The following NHSL1 variants were observed in gnomAD, a reference collection of about 807,000 sequenced individuals.
The protein encoded by NHSL1 is NHS like 1.
In NHSL1, 48 loss-of-function variants were observed where a neutral mutation model predicts 95.0. The observed-to-expected ratio is 0.51, with a 90% CI of 0.40 to 0.64. The LOEUF (loss-of-function observed/expected upper bound fraction) is 0.64, where lower values mean the gene tolerates loss of function less well. Ranked by LOEUF, NHSL1 falls within the 30% of genes least tolerant of loss-of-function variation. The probability of loss-of-function intolerance (pLI) is 0.00; values close to 1 mark genes in which losing one functional copy is unlikely to be tolerated. For synonymous variants in NHSL1, 783 were observed against 833.9 expected (o/e 0.94, Z 1.05); for missense variants, 1,971 against 2,077.7 (o/e 0.95, Z 1.00).
chr6:138,495,270 G>T (rs146141292), intron 2 of NHSL1, among the ~76,000 whole-genome samples: 7 of 152,164 alleles, frequency 4.6e-5, no homozygotes, highest in African/African-American at 1.7e-4. Flanking sequence ...ACAATGAACT[G>T]AAGTAAAAAT....
intron 3 of NHSL1, among the ~76,000 whole-genome samples, chr6:138,455,732 C>T (rs972156371): frequency 4.7e-4 from 66 of 141,340 alleles, no homozygotes; most frequent in Non-Finnish European, 9.6e-4. Flanking sequence ...TATATCCTAA[C>T]GTGTACCCCG....
intron 1 of NHSL1, among the ~76,000 whole-genome samples, chr6:138,637,936 G>A (rs1784908167): frequency 6.6e-6 from 1 of 152,138 alleles, no homozygotes; most frequent in African/African-American, 2.4e-5. Context: ...ATTTGTTGCA[G>A]CACTGTCCAT....
chr6:138,424,456 G>A lies in NHSL1; in HGVS notation c.4446C>T (p.Asn1482=). The part of the protein sequence containing the change: ...NRRAQEEWAK[N]EGLMPRSLSF... ...ACAGACTCCGAGGCATCAAGCCTTC[G>A]TTCTTGGCCCACTCCTCCTGCGCCC... The change falls in exon 8 of 8, where the codon AAC becomes AAT. Residue 1482 remains asparagine (N), a synonymous_variant. Transcript: ENST00000343505. This position sits in a 1 kb window ranked among gnomAD's most constrained non-coding sequence, Gnocchi z 5.9. 5.2e-6 allele frequency: 8 copies of A among 1,551,146 alleles called. No individual in the cohort carries two copies. Among genetic ancestry groups the A allele is most frequent in the Non-Finnish European group, 7.0e-6 (8 of 1,146,584 alleles).
chr6:138,619,973 A>G lies in NHSL1; in HGVS notation c.96+72503T>C, dbSNP rs534859893. ...AAAAAAAAAAAAAAAAAAAAATAGCAATCTCCAAGTTAAAACCACTCAAAC... is the reference window on the plus strand; with the variant it reads ...AAAAAAAAAAAAAAAAAAAAATAGCGATCTCCAAGTTAAAACCACTCAAAC... On this transcript the variant is annotated intron_variant, in intron 1 of 3. Transcript: ENST00000491526. Among the ~76,000 whole-genome samples the G allele has an allele frequency of 7.3e-5, 11 of 149,880 alleles. No homozygotes were observed. In the East Asian group the frequency reaches 1.9e-3, roughly 27 times the overall value.
intron 1 of NHSL1, among the ~76,000 whole-genome samples, chr6:138,517,840 G>T (rs1350350919): frequency 6.6e-6 from 1 of 152,174 alleles, no homozygotes; most frequent in Non-Finnish European, 1.5e-5. Flanking sequence ...AGTGCTGCTG[G>T]GCTTGCCAGT....
intron 1 of NHSL1, among the ~76,000 whole-genome samples, chr6:138,659,995 C>A (rs117933399): frequency 0.044 from 6,755 of 152,214 alleles, 209 homozygotes; most frequent in South Asian, 0.075. Flanking sequence ...GGATTACAGG[C>A]GTGAGCCACC....
intron 1 of NHSL1, among the ~76,000 whole-genome samples, chr6:138,523,206 T>C (rs1319897519): frequency 6.6e-6 from 1 of 152,140 alleles, no homozygotes; most frequent in African/African-American, 2.4e-5. Context: ...ATTTTCTGTA[T>C]TTATGAGAAA....
intron 1 of NHSL1, among the ~76,000 whole-genome samples, chr6:138,558,601 T>C (rs917494208): frequency 2.6e-5 from 4 of 151,310 alleles, no homozygotes; most frequent in African/African-American, 9.7e-5. Context: ...TTTTTGTATG[T>C]TTAGTAGAGA....
intron 1 of NHSL1, among the ~76,000 whole-genome samples, chr6:138,654,081 C>G (rs1785126316): frequency 6.6e-6 from 1 of 152,264 alleles, no homozygotes; most frequent in South Asian, 2.1e-4. Flanking sequence ...AAAGAGGTGA[C>G]TGATTTGTAA....
At chr6:138,575,404 T>C (rs543800834), upstream of NHSL1, among the ~76,000 whole-genome samples, 1 of 152,308 alleles carries the variant, frequency 6.6e-6, no homozygotes, top group African/African-American at 2.4e-5. Context: ...GCAGCCAAAA[T>C]GATAACTAGT....
chr6:138,633,326 C>G, intron 1 of NHSL1, among the ~76,000 whole-genome samples: 1 of 152,116 alleles, frequency 6.6e-6, no homozygotes, highest in East Asian at 1.9e-4. Context: ...GAAGATATCA[C>G]TAGCCAAGTA....
intron 1 of NHSL1, among the ~76,000 whole-genome samples, chr6:138,515,662 T>C (rs1781428127): frequency 6.6e-6 from 1 of 152,182 alleles, no homozygotes; most frequent in South Asian, 2.1e-4. Context: ...CCATCAGGCA[T>C]TCTATTGGAC....
At chr6:138,558,323 C>T (rs571864525) in intron 1 of NHSL1, among the ~76,000 whole-genome samples, 4 of 151,424 alleles carry the variant, frequency 2.6e-5, no homozygotes, top group East Asian at 3.9e-4. Flanking sequence ...GTGGTTTCAC[C>T]GTGTTAGCCA....
At chr6:138,512,174 T>A in intron 1 of NHSL1, 1 of 390,656 alleles carries the variant, frequency 2.6e-6, no homozygotes, top group Non-Finnish European at 5.0e-6. Flanking sequence ...GAGGGCAGTT[T>A]TAAAATACCT....
intron 7 of NHSL1, among the ~76,000 whole-genome samples, chr6:138,425,717 T>A (rs900931981): frequency 3.3e-5 from 5 of 152,198 alleles, no homozygotes; most frequent in African/African-American, 1.2e-4. Context: ...TACTAAGATG[T>A]ACCCCACTCC....
chr6:138,463,270 C>T (rs557047152), intron 3 of NHSL1, among the ~76,000 whole-genome samples: 140 of 152,238 alleles, frequency 9.2e-4, no homozygotes, highest in African/African-American at 3.2e-3. Context: ...TCAATCAGAT[C>T]ATGTTACTTC....
intron 1 of NHSL1, among the ~76,000 whole-genome samples, chr6:138,507,036 T>C (rs1318902165): frequency 6.6e-6 from 1 of 152,222 alleles, no homozygotes; most frequent in African/African-American, 2.4e-5. Context: ...CATTTCTTAG[T>C]AGTCTAAATC....
chr6:138,686,587 T>C (rs998615392), intron 1 of NHSL1, among the ~76,000 whole-genome samples: 6 of 152,218 alleles, frequency 3.9e-5, no homozygotes, highest in African/African-American at 1.4e-4. Flanking sequence ...AATCCCTCAG[T>C]AGAATCACAA....
At chr6:138,552,871 A>G (rs1017867789) in intron 1 of NHSL1, among the ~76,000 whole-genome samples, 1 of 152,164 alleles carries the variant, frequency 6.6e-6, no homozygotes, top group African/African-American at 2.4e-5. Context: ...TTTATTATGG[A>G]ACCTTGTGCC....
Sources: allele counts gnomAD v4.1 joint callset (sites outside exome capture counted in the v4.1 genomes callset), GRCh38; gene constraint gnomAD v4.1.1; non-coding constraint Gnocchi (gnomAD v3.1); transcripts MANE v1.5; gene names NCBI Gene and HGNC (gene_info 2026-07-23, HGNC 2026-07-21).